MBNL1: variants seen among roughly 807,000 people sequenced by gnomAD.
The protein encoded by MBNL1 is muscleblind like splicing regulator 1.
Under a neutral mutation model 42.2 loss-of-function variants are expected in MBNL1, and 8 were observed. The observed-to-expected ratio is 0.19, with a 90% CI of 0.11 to 0.34. The LOEUF (loss-of-function observed/expected upper bound fraction) is 0.34, where lower values mean the gene tolerates loss of function less well. Among genes scored for constraint, MBNL1 ranks in the 10% least tolerant of loss-of-function variants. The probability of loss-of-function intolerance (pLI) is 1.00; values close to 1 mark genes in which losing one functional copy is unlikely to be tolerated. For synonymous variants in MBNL1, 169 were observed against 173.9 expected (o/e 0.97, Z 0.22); for missense variants, 309 against 495.3 (o/e 0.62, Z 3.57).
At chr3:152,407,229 T>G (rs1035341760) in intron 2 of MBNL1, among the ~76,000 whole-genome samples, 81 of 148,486 alleles carry the variant, frequency 5.5e-4, no homozygotes, top group Non-Finnish European at 1.1e-3. Flanking sequence ...TTTTTTTTTT[T>G]TTTTTTAGTT....
chr3:152,388,273 T>C (rs2097534369), intron 2 of MBNL1, among the ~76,000 whole-genome samples: 1 of 152,230 alleles, frequency 6.6e-6, no homozygotes, highest in Admixed American at 6.5e-5. Context: ...ACTGTTCATA[T>C]AAGCCATAAC....
intron 4 of MBNL1, among the ~76,000 whole-genome samples, chr3:152,436,196 A>G (rs572614746): frequency 6.6e-6 from 1 of 152,302 alleles, no homozygotes; most frequent in South Asian, 2.1e-4. Context: ...TTTGTTGCAT[A>G]TATTACAAAG....
chr3:152,421,965 C>G (rs926112146), intron 3 of MBNL1, among the ~76,000 whole-genome samples: 4 of 145,374 alleles, frequency 2.8e-5, no homozygotes, highest in Non-Finnish European at 4.6e-5. Context: ...GTACCGACCA[C>G]TAAAAAAAAA....
At chr3:152,355,399 A>G (rs1291123343) in intron 2 of MBNL1, among the ~76,000 whole-genome samples, 1 of 152,240 alleles carries the variant, frequency 6.6e-6, no homozygotes, top group Non-Finnish European at 1.5e-5. Context: ...GACATACATA[A>G]ATTTTACACA....
intron 2 of MBNL1, among the ~76,000 whole-genome samples, chr3:152,404,324 A>G (rs936842918): frequency 6.6e-6 from 1 of 152,236 alleles, no homozygotes; most frequent in African/African-American, 2.4e-5. Flanking sequence ...TGTCCCATCT[A>G]GAAGGCTGAG....
chr3:152,341,519 A>G (rs942257577), intron 2 of MBNL1, among the ~76,000 whole-genome samples: 4 of 152,332 alleles, frequency 2.6e-5, no homozygotes, highest in Middle Eastern at 3.4e-3. Context: ...CATAATTTCT[A>G]TAAGAATTTC....
At chr3:152,435,231 G>C (rs2099062664) in intron 4 of MBNL1, among the ~76,000 whole-genome samples, 1 of 152,042 alleles carries the variant, frequency 6.6e-6, no homozygotes, top group South Asian at 2.1e-4. Context: ...GTGTAAGGAG[G>C]GGGTCCAGTT....
intron 5 of MBNL1, among the ~76,000 whole-genome samples, chr3:152,446,405 ACT>A (rs374545792): frequency 1.3e-5 from 2 of 150,976 alleles, no homozygotes; most frequent in African/African-American, 2.4e-5. Flanking sequence ...CAGAAGGCAG[ACT>A]CTCTCCTCCT....
intron 6 of MBNL1, among the ~76,000 whole-genome samples, chr3:152,452,826 C>G (rs1726023332): frequency 6.6e-6 from 1 of 152,106 alleles, no homozygotes; most frequent in Non-Finnish European, 1.5e-5. Context: ...TGAGTTTTAA[C>G]AGTTCTGAAA....
chr3:152,381,239 A>G (rs937089593), intron 2 of MBNL1, among the ~76,000 whole-genome samples: 3 of 152,060 alleles, frequency 2.0e-5, no homozygotes, highest in African/African-American at 7.2e-5. Context: ...GGAAATGTGT[A>G]CAAATATGGC....
chr3:152,307,591 T>C (rs2063853289), intron 2 of MBNL1, among the ~76,000 whole-genome samples: 1 of 152,192 alleles, frequency 6.6e-6, no homozygotes, highest in Admixed American at 6.5e-5. Flanking sequence ...TTACTTCCAT[T>C]TCACAGATGG....
intron 2 of MBNL1, among the ~76,000 whole-genome samples, chr3:152,412,142 A>G (rs1269821133): frequency 3.3e-5 from 5 of 152,232 alleles, no homozygotes; most frequent in Non-Finnish European, 4.4e-5. Context: ...TGGAGGATGT[A>G]TATTCTAACT....
At chr3:152,318,748 A>G (rs967133001) in intron 2 of MBNL1, among the ~76,000 whole-genome samples, 1 of 152,102 alleles carries the variant, frequency 6.6e-6, no homozygotes, top group African/African-American at 2.4e-5. Context: ...CAGGCTGCAA[A>G]TCTTGTTTCT....
intron 2 of MBNL1, among the ~76,000 whole-genome samples, chr3:152,344,143 G>T (rs900011062): frequency 3.3e-5 from 5 of 152,046 alleles, no homozygotes; most frequent in African/African-American, 1.2e-4. Flanking sequence ...ATGTTTCCCA[G>T]AAATATGGTG....
chr3:152,268,944 G>C lies in MBNL1; in HGVS notation c.-938G>C, dbSNP rs1312251031. 2.2e-6 allele frequency: 1 copy of C among 456,168 alleles called. No homozygotes were observed. Among genetic ancestry groups the C allele is most frequent in the African/African-American group, 2.0e-5 (1 of 50,086 alleles). The allele number at this position is 456,168 out of a possible 1,614,324, so 28.3% of individuals were successfully genotyped here. ...GACATGCAACAGTCTTTTCACTGCA[G>C]CTGAATGAGTTGTGGCGCCCACAAT... On this transcript the variant is annotated 5_prime_UTR_variant, in exon 1 of 10. Coordinates refer to ENST00000324210, the MANE Select transcript of MBNL1 (RefSeq NM_021038.5).
At chr3:152,398,410 A>T (rs1283310433) in intron 2 of MBNL1, among the ~76,000 whole-genome samples, 1 of 152,130 alleles carries the variant, frequency 6.6e-6, no homozygotes, top group Non-Finnish European at 1.5e-5. Context: ...TAGGGTGTGT[A>T]GTAAATTATT....
chr3:152,377,454 C>A (rs2153365007), intron 2 of MBNL1, among the ~76,000 whole-genome samples: 1 of 152,216 alleles, frequency 6.6e-6, no homozygotes, highest in South Asian at 2.1e-4. Context: ...GTAAATTAAC[C>A]TGTTAATTTA....
At chr3:152,392,698 T>C (rs568533549) in intron 2 of MBNL1, among the ~76,000 whole-genome samples, 1 of 152,328 alleles carries the variant, frequency 6.6e-6, no homozygotes, top group African/African-American at 2.4e-5. Flanking sequence ...AGTCTCCAGA[T>C]GGGTAAGATA....
rs567541820 is a variant in MBNL1 at position 152,280,460 on chromosome 3, C to T, written c.-790+11368C>T. On this transcript the variant is annotated intron_variant, in intron 1 of 9. Transcript: ENST00000324210. ...AAGTGTGATGCCAGCATAGTATCATCCTGGACTAGACAGAAGAAATTAATT... is the reference window on the plus strand; with the variant it reads ...AAGTGTGATGCCAGCATAGTATCATTCTGGACTAGACAGAAGAAATTAATT... 3.9e-5 allele frequency among the ~76,000 whole-genome samples: 6 copies of T among 152,216 alleles called. No individual in the cohort carries two copies. The East Asian group carries it at 9.6e-4, about 24-fold the overall frequency.
Sources: allele counts gnomAD v4.1 joint callset (sites outside exome capture counted in the v4.1 genomes callset), GRCh38; gene constraint gnomAD v4.1.1; transcripts MANE v1.5; gene names NCBI Gene and HGNC (gene_info 2026-07-23, HGNC 2026-07-21).